Variants in GFPT1 observed in about 807,000 individuals in gnomAD.
GFPT1 encodes the protein glutamine--fructose-6-phosphate aminotransferase [isomerizing] 1.
In GFPT1, 40 loss-of-function variants were observed where a neutral mutation model predicts 92.0. The observed-to-expected ratio is 0.43, with a 90% CI of 0.34 to 0.57. GFPT1 has a LOEUF of 0.57. GFPT1 is among the 20% of genes least tolerant of loss of function. The pLI, the probability that GFPT1 is intolerant of heterozygous loss-of-function variation, is 0.02. For synonymous variants in GFPT1, 269 were observed against 280.6 expected (o/e 0.96, Z 0.41); for missense variants, 448 against 869.1 (o/e 0.52, Z 6.09).
At chr2:69,336,057 C>T (rs1670785829) in intron 15 of GFPT1, among the ~76,000 whole-genome samples, 1 of 147,824 alleles carries the variant, frequency 6.8e-6, no homozygotes, top group Non-Finnish European at 1.5e-5. Context: ...AGGTGGGGGG[C>T]CAGGTACAGT....
chr2:69,376,416 G>A (rs1022336489), intron 1 of GFPT1, among the ~76,000 whole-genome samples: 5 of 152,124 alleles, frequency 3.3e-5, no homozygotes, highest in African/African-American at 4.8e-5. Flanking sequence ...AGGCTGAGAC[G>A]GGGAGAATCA....
intron 9 of GFPT1, among the ~76,000 whole-genome samples, chr2:69,350,420 T>C (rs1341050874): frequency 6.6e-6 from 1 of 152,104 alleles, no homozygotes; most frequent in Non-Finnish European, 1.5e-5. Flanking sequence ...AAGTGCTACA[T>C]TATATGTTTT....
intron 2 of GFPT1, among the ~76,000 whole-genome samples, chr2:69,373,784 A>G (rs1334933610): frequency 1.3e-5 from 2 of 152,188 alleles, no homozygotes; most frequent in African/African-American, 4.8e-5. Flanking sequence ...ATGTTTTTAC[A>G]ATAATATTCT....
intron 12 of GFPT1, 29 bp downstream of exon 12, chr2:69,345,875 A>T: frequency 8.3e-7 from 1 of 1,200,612 alleles, no homozygotes; most frequent in Non-Finnish European, 1.2e-6. Context: ...AGAGACACTG[A>T]AATAATAAAA....
At chr2:69,387,016 G>A in intron 1 of GFPT1, 49 bp downstream of exon 1, 1 of 1,394,706 alleles carries the variant, frequency 7.2e-7, no homozygotes, top group Non-Finnish European at 9.8e-7. Context: ...CACCCGCACC[G>A]CACCCCAGCG....
intron 1 of GFPT1, among the ~76,000 whole-genome samples, chr2:69,382,027 C>T (rs559383448): frequency 6.6e-6 from 1 of 152,024 alleles, no homozygotes; most frequent in East Asian, 1.9e-4. Flanking sequence ...CAACAGCTGG[C>T]TAATTTTTGT....
chr2:69,338,059 T>G lies in GFPT1; in HGVS notation c.1325-4A>C. The G allele has an allele frequency of 1.2e-6, 2 of 1,614,076 alleles. No homozygotes were observed. The highest frequency in any genetic ancestry group is 3.3e-4 in the Middle Eastern group (2 of 6,062). ...ATCAAAGTATCTGCTGTCTCACCTG[T>G]GTAAAAAGTAGGCCAACCATAACAC... On this transcript the variant is annotated splice_polypyrimidine_tract_variant and splice_region_variant and intron_variant, in intron 14 of 19. Coordinates refer to ENST00000357308, the MANE Select transcript of GFPT1 (RefSeq NM_001244710.2).
At position 69,322,602 on chromosome 2, in the gene GFPT1, A is replaced by C. The variant is rs1330921763; in HGVS notation, c.*3587T>G. 1.3e-5 allele frequency: 2 copies of C among 152,244 alleles called. No homozygotes were observed. The allele number at this position is 152,244 out of a possible 1,614,324, so 9.4% of individuals were successfully genotyped here. A position where few individuals can be genotyped will look rare whatever the true frequency, so the allele number is the denominator to read the frequency against. ...AGACAAGAGATCTGTATTCAAAAAG[A>C]TAAAACAATCTCATCTCAGTAACTA... On this transcript the variant is annotated 3_prime_UTR_variant, in exon 20 of 20. Coordinates refer to ENST00000357308, the MANE Select transcript of GFPT1 (RefSeq NM_001244710.2).
rs117212717 is a variant in GFPT1 at position 69,343,123 on chromosome 2, T to C, written c.1106-874A>G. 6.6e-5 allele frequency among the ~76,000 whole-genome samples: 10 copies of C among 152,338 alleles called. No homozygotes were observed. In the East Asian group the frequency reaches 1.9e-3, roughly 29 times the overall value. On this transcript the variant is annotated intron_variant, in intron 12 of 19. Transcript: ENST00000357308. ...TCCTCTTTTTCATTTTCAGTTTCTATAGCTATTTACATGTTGTTCTCCATG... is the reference window on the plus strand; with the variant it reads ...TCCTCTTTTTCATTTTCAGTTTCTACAGCTATTTACATGTTGTTCTCCATG...
At chr2:69,354,432 A>T in intron 8 of GFPT1, 57 bp downstream of exon 8, 1 of 1,310,974 alleles carries the variant, frequency 7.6e-7, no homozygotes, top group Non-Finnish European at 1.1e-6. Flanking sequence ...ATCTATTCCA[A>T]CTTAAGGAAA....
At chr2:69,338,424 A>C (rs1289570894) in intron 14 of GFPT1, 21 bp downstream of exon 14, 4 of 1,593,738 alleles carry the variant, frequency 2.5e-6, no homozygotes, top group Non-Finnish European at 3.4e-6. Context: ...CCTTCCTTTT[A>C]AGTCTTTAAA....
At chr2:69,377,936 T>A (rs1240706245) in intron 1 of GFPT1, among the ~76,000 whole-genome samples, 1 of 152,260 alleles carries the variant, frequency 6.6e-6, no homozygotes, top group Non-Finnish European at 1.5e-5. Context: ...ACAATGATGC[T>A]TGTTAGAGCA....
intron 3 of GFPT1, among the ~76,000 whole-genome samples, chr2:69,367,447 G>A (rs374171716): frequency 7.2e-5 from 11 of 151,954 alleles, no homozygotes; most frequent in East Asian, 1.9e-4. Context: ...TGCAACCTCC[G>A]CCTCCTGGAT....
At chr2:69,366,920 A>T (rs184479027) in intron 3 of GFPT1, among the ~76,000 whole-genome samples, 9 of 152,288 alleles carry the variant, frequency 5.9e-5, no homozygotes, top group Non-Finnish European at 5.9e-5. Context: ...CAAAAAAAAT[A>T]CTTCAAACAT....
chr2:69,368,827 G>A (rs1671672912), intron 3 of GFPT1, among the ~76,000 whole-genome samples: 2 of 152,028 alleles, frequency 1.3e-5, no homozygotes, highest in African/African-American at 4.8e-5. Context: ...TGCCTTTCTA[G>A]CCTCCCTTAT....
intron 1 of GFPT1, among the ~76,000 whole-genome samples, chr2:69,386,027 TAAA>T (rs370310082): frequency 1.4e-5 from 2 of 140,340 alleles, no homozygotes; most frequent in African/African-American, 2.6e-5. Context: ...TACTTCCCTT[TAAA>T]AAAAAAAAAA....
rs1216579152 is a variant in GFPT1, at chr2:69,324,687, AAAAG to A, written c.*1498_*1501del. Reference sequence around the variant, plus strand: ...CAGAAGTTAAAACAAGAAAAGAAAGAAAAGAAAGGAAAAAACAGCTTACTTAAAT... The same window carrying A: ...CAGAAGTTAAAACAAGAAAAGAAAGAAAAGGAAAAAACAGCTTACTTAAAT... On this transcript the variant is annotated 3_prime_UTR_variant, in exon 20 of 20. Coordinates refer to ENST00000357308, the MANE Select transcript of GFPT1 (RefSeq NM_001244710.2). 1 of 152,192 alleles carries A rather than the reference AAAAG, an allele frequency of 6.6e-6. No individual in the cohort carries two copies. The highest frequency in any genetic ancestry group is 2.4e-5 in the African/African-American group (1 of 41,458). The allele number at this position is 152,192 out of a possible 1,614,324, so 9.4% of individuals were successfully genotyped here.
In GFPT1 at chr2:69,363,686, AG is replaced by A; in HGVS notation, c.224-17del. Reference sequence around the variant, plus strand: ...TCTTGTTGCTCTGAAGAATATGAAAAGAAAAATTTCAATATTAAATCATGCT... The same window carrying A: ...TCTTGTTGCTCTGAAGAATATGAAAAAAAAATTTCAATATTAAATCATGCT... On this transcript the variant is annotated splice_polypyrimidine_tract_variant and intron_variant, in intron 3 of 19. Coordinates refer to ENST00000357308, the MANE Select transcript of GFPT1 (RefSeq NM_001244710.2). 1 of 1,568,992 alleles carries A rather than the reference AG, an allele frequency of 6.4e-7. No individual in the cohort carries two copies. Among genetic ancestry groups the A allele is most frequent in the Non-Finnish European group, 8.8e-7 (1 of 1,139,034 alleles).
intron 1 of GFPT1, among the ~76,000 whole-genome samples, chr2:69,384,790 A>AAAGAAAAGAAAAGAAAG (rs1672094735): frequency 6.7e-6 from 1 of 149,832 alleles, no homozygotes; most frequent in Non-Finnish European, 1.5e-5. Context: ...AGAAAGAAAG[A>AAAGAAAAGAAAAGAAAG]AAGAAAAGAA....
Sources: gnomAD v4.1 joint callset for allele counts (sites outside exome capture counted in the v4.1 genomes callset) on GRCh38, gnomAD v4.1.1 for gene constraint, MANE v1.5 for transcripts, NCBI Gene and HGNC (gene_info 2026-07-23, HGNC 2026-07-21) for gene names.